LIN28B: variants seen among roughly 807,000 people sequenced by gnomAD.
LIN28B encodes the protein lin-28 RNA binding posttranscriptional regulator B.
In LIN28B, 5 loss-of-function variants were observed where a neutral mutation model predicts 21.9. The observed-to-expected ratio is 0.23, with a 90% CI of 0.12 to 0.48. The LOEUF (loss-of-function observed/expected upper bound fraction) is 0.48, where lower values mean the gene tolerates loss of function less well. LIN28B is among the 20% of genes least tolerant of loss of function. The pLI is 0.98. For missense variants in LIN28B, 245 were observed against 310.5 expected, an observed-to-expected ratio of 0.79 and a Z score of 1.58; for synonymous variants, 109 against 111.3, an observed-to-expected ratio of 0.98 and a Z score of 0.13.
intron 2 of LIN28B, among the ~76,000 whole-genome samples, chr6:104,984,148 A>G (rs1389463235): frequency 1.3e-5 from 2 of 152,228 alleles, no homozygotes; most frequent in East Asian, 1.9e-4. Context: ...AGTTAGATAT[A>G]TAAGAGCTTT....
chr6:104,975,050 C>T (rs1009949607), intron 2 of LIN28B, among the ~76,000 whole-genome samples: 29 of 152,148 alleles, frequency 1.9e-4, no homozygotes, highest in African/African-American at 5.8e-4. Flanking sequence ...GAACTCCTGA[C>T]GTCAGGTGAT....
chr6:104,950,530 T>A (rs1778208814), intron 3 of LIN28B: 10 of 1,185,952 alleles, frequency 8.4e-6, no homozygotes, highest in Non-Finnish European at 1.1e-5. Context: ...TTTTTTTTTT[T>A]TAAATATTTT....
At chr6:105,035,300 T>G (rs562326923) in intron 3 of LIN28B, among the ~76,000 whole-genome samples, 59 of 152,116 alleles carry the variant, frequency 3.9e-4, no homozygotes, top group Non-Finnish European at 7.8e-4. Context: ...GAAATGTAGA[T>G]CAACAAATAC....
intron 2 of LIN28B, among the ~76,000 whole-genome samples, chr6:104,991,287 C>T (rs1465733390): frequency 6.6e-6 from 1 of 151,780 alleles, no homozygotes; most frequent in Non-Finnish European, 1.5e-5. Flanking sequence ...GGGCGCCTCA[C>T]TTCTCGGACG....
Position 105,081,062 on chromosome 6 carries a change from A to G in LIN28B, c.*2279A>G, listed in dbSNP as rs1772534118. 6.6e-6 allele frequency: 1 copy of G among 152,606 alleles called. No individual in the cohort carries two copies. The highest frequency in any genetic ancestry group is 1.5e-5 in the Non-Finnish European group (1 of 68,032). The allele number at this position is 152,606 out of a possible 1,614,324, so 9.5% of individuals were successfully genotyped here. ...ATACCAAACCTATCTTATGGTTGAA[A>G]GTTGGGGTTTATTTTTTATATGAGA... On this transcript the variant is annotated 3_prime_UTR_variant, in exon 4 of 4. Transcript: ENST00000345080.
intron 3 of LIN28B, among the ~76,000 whole-genome samples, chr6:105,027,133 A>C (rs1033801161): frequency 6.6e-6 from 1 of 152,146 alleles, no homozygotes; most frequent in Non-Finnish European, 1.5e-5. Flanking sequence ...GGGAACTCTT[A>C]GATGTACATT....
At position 105,023,583 on chromosome 6, in the gene LIN28B, A is replaced by AAC. The variant is rs1301006139; in HGVS notation, c.199-2715_199-2714insAC. 2.4e-3 allele frequency among the ~76,000 whole-genome samples: 69 copies of AAC among 28,582 alleles called. 14 individuals carry two copies. The highest frequency in any genetic ancestry group is 7.2e-3 in the African/African-American group (67 of 9,354). 18.8% of individuals were successfully genotyped at this position (28,582 alleles called of 152,430 possible). A position where few individuals can be genotyped will look rare whatever the true frequency, so the allele number is the denominator to read the frequency against. ...TATATATATAATATATATAATATAT[A>AAC]TTATATATATTATATATATAAAATA... On this transcript the variant is annotated intron_variant, in intron 2 of 3. Coordinates refer to ENST00000345080, the MANE Select transcript of LIN28B (RefSeq NM_001004317.4).
At chr6:105,008,371 G>A (rs762006644) in intron 2 of LIN28B, among the ~76,000 whole-genome samples, 4 of 152,112 alleles carry the variant, frequency 2.6e-5, no homozygotes, top group East Asian at 3.9e-4. Flanking sequence ...CAGGCTGGGC[G>A]CGGTGGCTCA....
chr6:105,061,855 T>G (rs966520288), intron 3 of LIN28B, among the ~76,000 whole-genome samples: 4 of 152,088 alleles, frequency 2.6e-5, no homozygotes, highest in African/African-American at 4.8e-5. Flanking sequence ...ACATAAACTT[T>G]GAAACTTAGG....
chr6:105,062,425 A>G (rs920792093), intron 3 of LIN28B, among the ~76,000 whole-genome samples: 1 of 152,240 alleles, frequency 6.6e-6, no homozygotes, highest in African/African-American at 2.4e-5. Flanking sequence ...AACAGTCGTC[A>G]GCAACAGTTA....
intron 2 of LIN28B, among the ~76,000 whole-genome samples, chr6:104,974,596 G>A (rs571066125): frequency 2.6e-5 from 4 of 151,518 alleles, no homozygotes; most frequent in East Asian, 1.9e-4. Flanking sequence ...CTTCCATTGC[G>A]GTATAGGTAT....
intron 2 of LIN28B, among the ~76,000 whole-genome samples, chr6:104,975,386 T>G (rs1406579349): frequency 6.6e-6 from 1 of 152,166 alleles, no homozygotes; most frequent in Non-Finnish European, 1.5e-5. Context: ...ACATTTATAT[T>G]TTGTTTTAAA....
chr6:105,049,682 G>A (rs1459822005), intron 3 of LIN28B, among the ~76,000 whole-genome samples: 1 of 151,988 alleles, frequency 6.6e-6, no homozygotes, highest in Non-Finnish European at 1.5e-5. Context: ...GAATCTGGGT[G>A]CTCCTGTATT....
chr6:105,041,424 T>C (rs1165301376), intron 3 of LIN28B, among the ~76,000 whole-genome samples: 2 of 152,200 alleles, frequency 1.3e-5, no homozygotes, highest in Non-Finnish European at 2.9e-5. Context: ...GCTTAATTTA[T>C]CTTCAGTCTT....
chr6:104,983,104 T>G (rs763330613), intron 2 of LIN28B, among the ~76,000 whole-genome samples: 69 of 152,202 alleles, frequency 4.5e-4, no homozygotes, highest in Non-Finnish European at 8.8e-5. Context: ...TTCTAAACAT[T>G]TTCAATTGTA....
Position 105,078,688 on chromosome 6 carries a change from A to G in LIN28B, c.658A>G (p.Arg220Gly). 6.2e-7 allele frequency: 1 copy of G among 1,614,198 alleles called. No homozygotes were observed. Among genetic ancestry groups the G allele is most frequent in the Non-Finnish European group, 8.5e-7 (1 of 1,180,050 alleles). Residue 220 changes from arginine to glycine, a missense_variant, in exon 4 of 4, where the codon AGG (arginine) becomes GGG (glycine). Coordinates refer to ENST00000345080, the MANE Select transcript of LIN28B (RefSeq NM_001004317.4). ...GGCAGAGATCTCAGAACGGTCAGGC[A>G]GGTCACCTCAAGAAGCTTCCTCCAC... ...ARAEISERSG[R>G]SPQEASSTKS...
chr6:104,982,431 A>C (rs1261010660), intron 2 of LIN28B, among the ~76,000 whole-genome samples: 2 of 152,258 alleles, frequency 1.3e-5, no homozygotes, highest in Non-Finnish European at 2.9e-5. Context: ...TGTGTGGTAC[A>C]TTAGTTATTG....
intron 2 of LIN28B, among the ~76,000 whole-genome samples, chr6:104,945,255 A>G (rs1025749127): frequency 2.6e-5 from 4 of 152,068 alleles, no homozygotes; most frequent in African/African-American, 9.7e-5. Flanking sequence ...TTGCTATTAC[A>G]TTTATTACAT....
chr6:104,941,902 A>G (rs550678624), intron 2 of LIN28B, among the ~76,000 whole-genome samples: 4 of 152,322 alleles, frequency 2.6e-5, no homozygotes, highest in Admixed American at 2.6e-4. Flanking sequence ...TTCGAGTAAA[A>G]TCTAACAGTA....
Sources: allele counts gnomAD v4.1 joint callset (sites outside exome capture counted in the v4.1 genomes callset), GRCh38; gene constraint gnomAD v4.1.1; transcripts MANE v1.5; gene names NCBI Gene and HGNC (gene_info 2026-07-23, HGNC 2026-07-21).